DPP6: variants seen among roughly 807,000 people sequenced by gnomAD.
The protein encoded by DPP6 is dipeptidyl peptidase like 6.
A neutral mutation model predicts 122.6 loss-of-function variants in DPP6; 69 were observed. That is an observed-to-expected ratio of 0.56 (90% CI 0.46 to 0.69). DPP6 has a LOEUF of 0.69. Among genes scored for constraint, DPP6 ranks in the 30% least tolerant of loss-of-function variants. The pLI is 0.00. For missense variants in DPP6, 928 were observed against 1,116.9 expected (o/e 0.83, Z 2.41); for synonymous variants, 418 against 433.1 (o/e 0.97, Z 0.43).
At chr7:154,792,030 G>A (rs1187806071) in intron 10 of DPP6, among the ~76,000 whole-genome samples, 1 of 152,246 alleles carries the variant, frequency 6.6e-6, no homozygotes, top group Non-Finnish European at 1.5e-5. Context: ...AAGAAGCATA[G>A]GATGAATGAA....
At chr7:153,879,653 TG>T in the DPP6 span, among the ~76,000 whole-genome samples, 3 of 152,162 alleles carry the variant, frequency 2.0e-5, no homozygotes, top group Non-Finnish European at 4.4e-5. Context: ...GCCCTCAAAG[TG>T]CTGGGATTAC....
In DPP6 at chr7:154,777,156, G is replaced by A. The variant is rs112744999; in HGVS notation, c.1136+4214G>A. ...CATGTGCTGTGTGAGGCCCTTGGGT[G>A]ATTAAGACGTGTGGCCTCTCCTAAT... On this transcript the variant is annotated intron_variant, in intron 10 of 25. Coordinates refer to ENST00000377770, the MANE Select transcript of DPP6 (RefSeq NM_130797.4). Among the ~76,000 whole-genome samples the A allele has an allele frequency of 7.9e-3, 1,203 of 152,300 alleles. 9 individuals carry two copies. Among genetic ancestry groups the A allele is most frequent in the African/African-American group, 0.028 (1,145 of 41,554 alleles).
At chr7:153,970,798 C>T (rs528428859) in intron 1 of DPP6, among the ~76,000 whole-genome samples, 26 of 152,208 alleles carry the variant, frequency 1.7e-4, no homozygotes, top group Non-Finnish European at 3.2e-4. Context: ...AATGAATTTG[C>T]TACTGATGGA....
At chr7:153,758,965 G>C in the DPP6 span, among the ~76,000 whole-genome samples, 1 of 152,106 alleles carries the variant, frequency 6.6e-6, no homozygotes, top group Non-Finnish European at 1.5e-5. Context: ...TTATTTTCCA[G>C]AGTCATTTTA....
chr7:154,757,150 C>T (rs773418853), intron 8 of DPP6, among the ~76,000 whole-genome samples: 2 of 151,310 alleles, frequency 1.3e-5, no homozygotes, highest in South Asian at 2.1e-4. Flanking sequence ...CCATCCCTCA[C>T]GTACCCTGAG....
intron 5 of DPP6, among the ~76,000 whole-genome samples, chr7:154,590,785 T>C (rs987615317): frequency 3.3e-5 from 5 of 150,352 alleles, no homozygotes; most frequent in Admixed American, 6.6e-5. Context: ...CCGCTCACCT[T>C]GGCCTCCCAA....
chr7:154,080,198 T>A (rs1284429382), intron 1 of DPP6, among the ~76,000 whole-genome samples: 1 of 152,148 alleles, frequency 6.6e-6, no homozygotes, highest in Non-Finnish European at 1.5e-5. Context: ...AATACTCTGA[T>A]CCTACCTCAT....
At chr7:154,590,134 C>T (rs1377941274) in intron 5 of DPP6, among the ~76,000 whole-genome samples, 1 of 152,020 alleles carries the variant, frequency 6.6e-6, no homozygotes, top group East Asian at 1.9e-4. Flanking sequence ...CTCTCGGGTA[C>T]CACTAGTTTA....
chr7:153,868,032 G>A, the DPP6 span, among the ~76,000 whole-genome samples: 1 of 152,154 alleles, frequency 6.6e-6, no homozygotes, highest in Non-Finnish European at 1.5e-5. Context: ...GCTTTTTGAT[G>A]TGCTGCTGGA....
chr7:153,776,360 C>A, the DPP6 span, among the ~76,000 whole-genome samples: 1 of 152,048 alleles, frequency 6.6e-6, no homozygotes, highest in Non-Finnish European at 1.5e-5. Flanking sequence ...GTGAATGAGT[C>A]CTCCTGAGGC....
intron 2 of DPP6, among the ~76,000 whole-genome samples, chr7:154,458,808 C>T (rs767266008): frequency 6.6e-5 from 10 of 152,218 alleles, no homozygotes; most frequent in East Asian, 3.8e-4. Flanking sequence ...AACTGTGCCA[C>T]GCACTGCCCT....
intron 1 of DPP6, among the ~76,000 whole-genome samples, chr7:153,985,216 T>C (rs547649182): frequency 1.3e-5 from 2 of 152,322 alleles, no homozygotes; most frequent in Non-Finnish European, 2.9e-5. Context: ...AGATCTTTGA[T>C]TGGGCTAGAG....
rs1800631994 is a variant in DPP6, at chr7:154,054,238, C to T, written c.243+1175C>T. 5.3e-5 allele frequency among the ~76,000 whole-genome samples: 8 copies of T among 152,312 alleles called. No individual in the cohort carries two copies. The South Asian group carries it at 1.5e-3, about 28-fold the overall frequency. On this transcript the variant is annotated intron_variant, in intron 1 of 25. Transcript: ENST00000377770. ...CGGGCACTGAGTAGGTGGTTTTGGT[C>T]ATTACCTCTCTGCAGCCTCCAGCCA... is the stretch of plus-strand genomic sequence containing the variant.
chr7:154,305,549 C>T (rs1200520846), intron 1 of DPP6: 1 of 1,601,148 alleles, frequency 6.2e-7, no homozygotes. Flanking sequence ...GCAGCAGGAA[C>T]AGGTAATGCT....
At chr7:154,352,181 A>AGGCC (rs923310925) in intron 1 of DPP6, among the ~76,000 whole-genome samples, 2 of 152,062 alleles carry the variant, frequency 1.3e-5, no homozygotes, top group Non-Finnish European at 2.9e-5. Flanking sequence ...ATTAAAGACA[A>AGGCC]GGCCGGGCAC....
In DPP6 at chr7:154,650,246, G is replaced by T. The variant is rs113886105; in HGVS notation, c.680+12373G>T. Among the ~76,000 whole-genome samples, 535 of 152,064 alleles carry T rather than the reference G, an allele frequency of 3.5e-3. 4 individuals are homozygous for T. Among genetic ancestry groups the T allele is most frequent in the African/African-American group, 0.012 (502 of 41,512 alleles). ...ATGCTGAAGTGGGAGAATCGCATGA[G>T]CCCAGGAGGTCAAAGTTGCAGTGAG... On this transcript the variant is annotated intron_variant, in intron 6 of 25. Coordinates refer to ENST00000377770, the MANE Select transcript of DPP6 (RefSeq NM_130797.4).
chr7:154,155,011 A>G (rs543262093), intron 1 of DPP6, among the ~76,000 whole-genome samples: 1 of 152,234 alleles, frequency 6.6e-6, no homozygotes, highest in East Asian at 1.9e-4. Flanking sequence ...GGCTGTGGGC[A>G]CAGTGTCCTT....
the DPP6 span, among the ~76,000 whole-genome samples, chr7:153,767,423 A>G: frequency 6.6e-6 from 1 of 152,132 alleles, no homozygotes; most frequent in Non-Finnish European, 1.5e-5. Flanking sequence ...ACTGGAGTAC[A>G]GTGGTACAAT....
the DPP6 span, among the ~76,000 whole-genome samples, chr7:153,800,477 T>G: frequency 2.6e-5 from 4 of 152,060 alleles, no homozygotes; most frequent in African/African-American, 7.2e-5. Flanking sequence ...TACAATGAGA[T>G]GAGGGACTAC....
Sources: gnomAD v4.1 joint callset for allele counts (sites outside exome capture counted in the v4.1 genomes callset) on GRCh38, gnomAD v4.1.1 for gene constraint, MANE v1.5 for transcripts, NCBI Gene and HGNC (gene_info 2026-07-23, HGNC 2026-07-21) for gene names.